The following TBCD variants were observed in gnomAD, a reference collection of about 807,000 sequenced individuals.
TBCD encodes the protein tubulin-specific chaperone D.
A neutral mutation model predicts 169.3 loss-of-function variants in TBCD; 105 were observed. That is an observed-to-expected ratio of 0.62 (90% CI 0.53 to 0.73). The LOEUF (loss-of-function observed/expected upper bound fraction) is 0.73. Among genes scored for constraint, TBCD ranks in the 30% least tolerant of loss-of-function variants. TBCD has a pLI of 0.00. For missense variants in TBCD, 1,444 were observed against 1,600.1 expected, an observed-to-expected ratio of 0.90 and a Z score of 1.66; for synonymous variants, 700 against 643.9, an observed-to-expected ratio of 1.09 and a Z score of -1.32.
At chr17:82,859,913 T>G (rs1222771451) in intron 13 of TBCD, 1 of 984,240 alleles carries the variant, frequency 1.0e-6, no homozygotes, top group East Asian at 1.1e-4. Context: ...TGTGCACTGG[T>G]GACATGGCCT....
intron 13 of TBCD, chr17:82,830,766 G>A (rs2053427726): frequency 1.9e-6 from 3 of 1,613,898 alleles, no homozygotes. Flanking sequence ...ATTTCTTGGA[G>A]AGGTTGAGGG....
At chr17:82,804,578 C>T (rs570459406) in intron 9 of TBCD, among the ~76,000 whole-genome samples, 1 of 152,314 alleles carries the variant, frequency 6.6e-6, no homozygotes, top group East Asian at 1.9e-4. Context: ...GGGTTGCTGT[C>T]GGGACCCGGT....
At chr17:82,781,779 A>G (rs2048964042) in intron 7 of TBCD, 58 bp downstream of exon 7, 2 of 1,593,452 alleles carry the variant, frequency 1.3e-6, no homozygotes, top group South Asian at 1.1e-5. Flanking sequence ...TTACATGGGG[A>G]CCACGGAATG....
chr17:82,804,839 G>GC (rs1418685320), intron 9 of TBCD, among the ~76,000 whole-genome samples: 2 of 152,214 alleles, frequency 1.3e-5, no homozygotes, highest in Admixed American at 6.5e-5. Flanking sequence ...CTTGGAAACT[G>GC]CCCCCCTCCT....
intron 13 of TBCD, among the ~76,000 whole-genome samples, chr17:82,855,235 CTTTTTTTTTTTTTTTTT>C (rs58346723): frequency 4.3e-4 from 23 of 54,034 alleles, no homozygotes; most frequent in African/African-American, 9.8e-4. Context: ...AAGGTGTTTG[CTTTTTTTTTTTTTTTTT>C]TTTTTTTTTT....
chr17:82,781,444 C>A, intron 6 of TBCD, 145 bp from the exon 7 acceptor site: 1 of 1,044,852 alleles, frequency 9.6e-7, no homozygotes, highest in Non-Finnish European at 1.4e-6. Context: ...TGGAGGAGGA[C>A]AGGACTCAGT....
intron 7 of TBCD, among the ~76,000 whole-genome samples, chr17:82,794,115 G>C (rs1336486346): frequency 1.3e-5 from 2 of 152,198 alleles, no homozygotes; most frequent in Non-Finnish European, 2.9e-5. Flanking sequence ...CCAGGGCCTC[G>C]GGTGGAGTTG....
chr17:82,761,884 C>G (rs2047776929), intron 2 of TBCD, among the ~76,000 whole-genome samples: 1 of 151,538 alleles, frequency 6.6e-6, no homozygotes, highest in African/African-American at 2.4e-5. Context: ...CGCCAACACA[C>G]CCAGCTAATT....
At position 82,804,282 on chromosome 17, in the gene TBCD, A is replaced by G. The variant is rs116649035; in HGVS notation, c.951-1593A>G. Among the ~76,000 whole-genome samples the G allele has an allele frequency of 7.9e-3, 1,205 of 152,260 alleles. 12 individuals are homozygous for G. Among genetic ancestry groups the G allele is most frequent in the African/African-American group, 0.028 (1,153 of 41,522 alleles). On this transcript the variant is annotated intron_variant, in intron 9 of 38. Coordinates refer to ENST00000355528, the MANE Select transcript of TBCD (RefSeq NM_005993.5). ...ACTCTCTTCATACCAGTTACCCTAC[A>G]TTACAGTGTACCCCGAAATTTAGCA...
intron 14 of TBCD, among the ~76,000 whole-genome samples, chr17:82,872,698 C>A (rs2057669483): frequency 6.6e-6 from 1 of 152,242 alleles, no homozygotes; most frequent in Non-Finnish European, 1.5e-5. Flanking sequence ...AGAAAACTTC[C>A]TTACGTTGAT....
intron 13 of TBCD, among the ~76,000 whole-genome samples, chr17:82,818,128 T>G (rs1380436744): frequency 1.3e-5 from 2 of 152,242 alleles, no homozygotes; most frequent in African/African-American, 4.8e-5. Flanking sequence ...GGTGTTGGCA[T>G]CATAAACGAA....
rs772606107 is a variant in TBCD at position 82,938,074 on chromosome 17, G to C, written c.3307G>C (p.Gly1103Arg). Residue 1103 changes from glycine to arginine, a missense_variant, in exon 36 of 39, where the codon GGC becomes CGC. Coordinates refer to ENST00000355528, the MANE Select transcript of TBCD (RefSeq NM_005993.5). Reference protein sequence around the residue: ...AVFCEMVQFPGDVRRQALLQL... With the variant: ...AVFCEMVQFPRDVRRQALLQL... ...GTTCTGCGAGATGGTGCAGTTCCCC[G>C]GCGACGTGAGGAGGCAGGCCCTCCT... is the stretch of plus-strand genomic sequence containing the variant. 1.9e-6 allele frequency: 3 copies of C among 1,613,108 alleles called. No individual in the cohort carries two copies. Among genetic ancestry groups the C allele is most frequent in the Non-Finnish European group, 2.5e-6 (3 of 1,179,836 alleles).
rs987610716 is a variant in TBCD at position 82,884,378 on chromosome 17, G to A, written c.1533+176G>A. ...CCACTGGTTCTTACTGTCTCTGGGC[G>A]TCTTCAGCGTGTGAAGGGCGGTCAG... On this transcript the variant is annotated intron_variant, in intron 15 of 38. Transcript: ENST00000355528. This position sits in a 1 kb window ranked among gnomAD's most constrained non-coding sequence, Gnocchi z 4.2. Among the ~76,000 whole-genome samples the A allele has an allele frequency of 2.0e-5, 3 of 152,194 alleles. No homozygotes were observed. The highest frequency in any genetic ancestry group is 7.2e-5 in the African/African-American group (3 of 41,436).
chr17:82,861,351 TCAGCCGCTGGTTCAC>T (rs2056750049), intron 13 of TBCD, among the ~76,000 whole-genome samples: 3 of 84,054 alleles, frequency 3.6e-5, no homozygotes, highest in Admixed American at 1.3e-4. Flanking sequence ...CTGGTTCACG[TCAGCCGCTGGTTCAC>T]GTCAGCTGCT....
intron 14 of TBCD, among the ~76,000 whole-genome samples, chr17:82,873,862 C>G (rs952381528): frequency 6.6e-6 from 1 of 152,158 alleles, no homozygotes; most frequent in Non-Finnish European, 1.5e-5. Context: ...GTGATCTGTT[C>G]GCACATTCTC....
intron 12 of TBCD, among the ~76,000 whole-genome samples, chr17:82,812,440 A>G (rs1490975599): frequency 6.6e-6 from 1 of 152,104 alleles, no homozygotes; most frequent in African/African-American, 2.4e-5. Flanking sequence ...ACCAAAGGGA[A>G]GAAGACAGCC....
intron 2 of TBCD, 60 bp downstream of exon 2, chr17:82,756,275 T>C (rs368272134): frequency 1.3e-5 from 19 of 1,497,778 alleles, no homozygotes; most frequent in Non-Finnish European, 1.6e-5. Context: ...GAGGCCTTGG[T>C]GTGTGGTGCT....
At chr17:82,792,707 A>G (rs2049833500) in intron 7 of TBCD, among the ~76,000 whole-genome samples, 1 of 152,276 alleles carries the variant, frequency 6.6e-6, no homozygotes, top group Non-Finnish European at 1.5e-5. Context: ...TTTACCTTAC[A>G]GTCCAAAGTT....
rs1403814451 is a variant in TBCD at position 82,889,417 on chromosome 17, C to T, written c.1534-251C>T. ...TCCGCGTGGGTGCTGCTGGGAGGCT[C>T]AGTGGTAAAGGCCACTTTTCAGGAT... On this transcript the variant is annotated intron_variant, in intron 15 of 38. Transcript: ENST00000355528. This position sits in a 1 kb window ranked among gnomAD's most constrained non-coding sequence, Gnocchi z 5.3. Among the ~76,000 whole-genome samples, 1 of 152,160 alleles carries T rather than the reference C, an allele frequency of 6.6e-6. No individual in the cohort carries two copies. Among genetic ancestry groups the T allele is most frequent in the Non-Finnish European group, 1.5e-5 (1 of 68,040 alleles).
Sources: gnomAD v4.1 joint callset for allele counts (sites outside exome capture counted in the v4.1 genomes callset) on GRCh38, gnomAD v4.1.1 for gene constraint, Gnocchi (gnomAD v3.1) non-coding constraint, MANE v1.5 for transcripts, NCBI Gene and HGNC (gene_info 2026-07-23, HGNC 2026-07-21) for gene names.